Variants in CADM2 observed in about 807,000 individuals in gnomAD.
The protein encoded by CADM2 is cell adhesion molecule 2.
In CADM2, 12 loss-of-function variants were observed where a neutral mutation model predicts 49.8. That is an observed-to-expected ratio of 0.24 (90% CI 0.15 to 0.39). CADM2 has a LOEUF of 0.39. CADM2 is among the 10% of genes least tolerant of loss of function. The probability of loss-of-function intolerance (pLI) is 1.00; values close to 1 mark genes in which losing one functional copy is unlikely to be tolerated. For synonymous variants in CADM2, 214 were observed against 175.4 expected (o/e 1.22, Z -1.74); for missense variants, 378 against 492.3 (o/e 0.77, Z 2.20).
chr3:85,466,997 C>A (rs2038525010), intron 1 of CADM2, among the ~76,000 whole-genome samples: 1 of 152,162 alleles, frequency 6.6e-6, no homozygotes. Context: ...TTCTAGAATT[C>A]TGTAAATTTT....
In CADM2 at chr3:85,404,417, T is replaced by A. The variant is rs566525172; in HGVS notation, c.62-322105T>A. On this transcript the variant is annotated intron_variant, in intron 1 of 9. Coordinates refer to ENST00000383699, the MANE Select transcript of CADM2 (RefSeq NM_001167675.2). ...ATGAAAGGATGATTGGGTATTTTAA[T>A]GAACTGAGACTCCAGAAAAAAAAGT... 2.6e-5 allele frequency among the ~76,000 whole-genome samples: 4 copies of A among 152,208 alleles called. No individual in the cohort carries two copies. The South Asian group carries it at 8.3e-4, about 32-fold the overall frequency.
chr3:85,445,170 A>G (rs994898573), intron 1 of CADM2, among the ~76,000 whole-genome samples: 2 of 152,146 alleles, frequency 1.3e-5, no homozygotes, highest in African/African-American at 4.8e-5. Context: ...TGATTTTCCT[A>G]AGGAAACAGA....
Position 85,921,774 on chromosome 3 carries a change from C to G in CADM2, c.700+9231C>G, listed in dbSNP as rs145089179. 2.6e-5 allele frequency among the ~76,000 whole-genome samples: 4 copies of G among 152,036 alleles called. No individual in the cohort carries two copies. In the South Asian group the frequency reaches 8.3e-4, roughly 31 times the overall value. ...CTGTTATCTCTCTCTCTCTCTCTCT[C>G]GTTACATCATCCAATTTAATTCTAC... On this transcript the variant is annotated intron_variant, in intron 6 of 9. Coordinates refer to ENST00000383699, the MANE Select transcript of CADM2 (RefSeq NM_001167675.2).
chr3:85,888,504 C>T (rs1713983409), intron 5 of CADM2, among the ~76,000 whole-genome samples: 1 of 152,150 alleles, frequency 6.6e-6, no homozygotes, highest in South Asian at 2.1e-4. Context: ...TGGTTCTATG[C>T]AGTACTGAAA....
intron 1 of CADM2, among the ~76,000 whole-genome samples, chr3:85,509,020 T>C (rs1012202957): frequency 2.6e-5 from 4 of 152,176 alleles, no homozygotes; most frequent in Non-Finnish European, 2.9e-5. Flanking sequence ...TTGATGTTTT[T>C]ATGAAGAATG....
chr3:85,074,760 T>C (rs1003739887), intron 1 of CADM2, among the ~76,000 whole-genome samples: 1 of 152,082 alleles, frequency 6.6e-6, no homozygotes, highest in Non-Finnish European at 1.5e-5. Flanking sequence ...GTGTCAGCAT[T>C]GGAGAGGGAG....
At position 86,019,707 on chromosome 3, in the gene CADM2, G is replaced by A. The variant is rs868661286; in HGVS notation, c.971-45898G>A. Among the ~76,000 whole-genome samples, 92 of 152,046 alleles carry A rather than the reference G, an allele frequency of 6.1e-4. 1 individual carries two copies. Among genetic ancestry groups the A allele is most frequent in the Admixed American group, 2.1e-3 (32 of 15,274 alleles). ...CTGTTGTTGGTGTATAAGAAAGCTT[G>A]TGATTTTTGTACATTGATTTTGTAT... On this transcript the variant is annotated intron_variant, in intron 8 of 9. Coordinates refer to ENST00000383699, the MANE Select transcript of CADM2 (RefSeq NM_001167675.2).
intron 1 of CADM2, among the ~76,000 whole-genome samples, chr3:85,173,083 C>G (rs999647238): frequency 1.3e-5 from 2 of 150,758 alleles, no homozygotes; most frequent in Non-Finnish European, 2.9e-5. Context: ...CAAGCTCCGC[C>G]TCCTGGGTTC....
chr3:85,227,935 AT>A (rs2042197962), intron 1 of CADM2, among the ~76,000 whole-genome samples: 1 of 151,988 alleles, frequency 6.6e-6, no homozygotes, highest in Admixed American at 6.6e-5. Context: ...GTTGAAAATT[AT>A]TTTCTTTAAG....
chr3:85,423,043 G>A (rs1343306531), intron 1 of CADM2, among the ~76,000 whole-genome samples: 3 of 152,106 alleles, frequency 2.0e-5, no homozygotes, highest in Non-Finnish European at 4.4e-5. Context: ...GGATTTTATT[G>A]AGAGATGGAG....
chr3:85,207,500 T>C (rs1237670702), intron 1 of CADM2, among the ~76,000 whole-genome samples: 1 of 152,192 alleles, frequency 6.6e-6, no homozygotes, highest in East Asian at 1.9e-4. Flanking sequence ...TCAGTTGCCA[T>C]AGTAAAATCT....
chr3:84,972,566 G>C (rs2031527235), intron 1 of CADM2, among the ~76,000 whole-genome samples: 1 of 152,092 alleles, frequency 6.6e-6, no homozygotes, highest in South Asian at 2.1e-4. Context: ...CTATAAATTA[G>C]GAAATTGATT....
intron 1 of CADM2, among the ~76,000 whole-genome samples, chr3:85,341,642 A>G (rs1020130605): frequency 6.6e-6 from 1 of 152,056 alleles, no homozygotes; most frequent in Non-Finnish European, 1.5e-5. Context: ...ACCATGGCAC[A>G]GGTATACCTA....
intron 1 of CADM2, among the ~76,000 whole-genome samples, chr3:85,725,180 T>A (rs2067651368): frequency 6.6e-6 from 1 of 151,938 alleles, no homozygotes; most frequent in South Asian, 2.1e-4. Flanking sequence ...AAAAATTTTA[T>A]TATTTTAAAA....
In CADM2 at chr3:84,959,674, C is replaced by T. The variant is rs1382077548; in HGVS notation, c.61+6C>T. The T allele has an allele frequency of 6.5e-7, 1 of 1,536,870 alleles. No homozygotes were observed. Among genetic ancestry groups the T allele is most frequent in the Non-Finnish European group, 8.7e-7 (1 of 1,146,650 alleles). On this transcript the variant is annotated splice_donor_region_variant and intron_variant, in intron 1 of 9. Transcript: ENST00000383699. The stretch of plus-strand genomic sequence containing the variant: ...CTGCGGGCTCCTGCTACAAGGTAAT[C>T]CCCGCCCCGGCGCAGGGAACATCAA...
chr3:85,868,193 G>A (rs1363927579), intron 3 of CADM2, among the ~76,000 whole-genome samples: 1 of 151,870 alleles, frequency 6.6e-6, no homozygotes, highest in East Asian at 1.9e-4. Flanking sequence ...TTTTATTATA[G>A]AATAGATACC....
chr3:85,148,104 T>G (rs1053777514), intron 1 of CADM2, among the ~76,000 whole-genome samples: 2 of 152,202 alleles, frequency 1.3e-5, no homozygotes, highest in African/African-American at 4.8e-5. Context: ...TCTAGGCAGG[T>G]CATTTAATGA....
intron 8 of CADM2, among the ~76,000 whole-genome samples, chr3:86,051,257 T>C (rs1392108220): frequency 6.6e-6 from 1 of 152,296 alleles, no homozygotes; most frequent in Non-Finnish European, 1.5e-5. Flanking sequence ...AGCCAGTTTC[T>C]TTGCTAACAC....
intron 3 of CADM2, among the ~76,000 whole-genome samples, chr3:85,862,999 G>C (rs2108327755): frequency 6.6e-6 from 1 of 152,268 alleles, no homozygotes. Context: ...CTCTGCTTCA[G>C]ACATGCTAAT....
Sources: allele counts gnomAD v4.1 joint callset (sites outside exome capture counted in the v4.1 genomes callset), GRCh38; gene constraint gnomAD v4.1.1; transcripts MANE v1.5; gene names NCBI Gene and HGNC (gene_info 2026-07-23, HGNC 2026-07-21).